KCNAB2: variants seen among roughly 807,000 people sequenced by gnomAD.
The protein encoded by KCNAB2 is potassium voltage-gated channel subfamily A regulatory beta subunit 2, also known as voltage-gated potassium channel subunit beta-2.
KCNAB2 carries 29 observed loss-of-function variants against 63.6 expected under a neutral mutation model. The observed-to-expected ratio is 0.46, with a 90% CI of 0.34 to 0.62. The LOEUF (loss-of-function observed/expected upper bound fraction) is 0.62, where lower values mean the gene tolerates loss of function less well. KCNAB2 is among the 20% of genes least tolerant of loss of function. The pLI, the probability that KCNAB2 is intolerant of heterozygous loss-of-function variation, is 0.01. For missense variants in KCNAB2, 359 were observed against 563.9 expected (o/e 0.64, Z 3.68); for synonymous variants, 222 against 224.2 (o/e 0.99, Z 0.09).
chr1:6,094,395 G>C lies in KCNAB2; in HGVS notation c.647-5G>C. On this transcript the variant is annotated splice_region_variant and splice_polypyrimidine_tract_variant and intron_variant, in intron 10 of 15. Coordinates refer to ENST00000378083, the MANE Select transcript of KCNAB2 (RefSeq NM_001199862.2). ...CACCTGCGGTTTCCCTTTCTCTCACGACAGAGACCGTCCGCGCCATGACCC... is the reference window on the plus strand; with the variant it reads ...CACCTGCGGTTTCCCTTTCTCTCACCACAGAGACCGTCCGCGCCATGACCC... The C allele has an allele frequency of 6.2e-7, 1 of 1,607,500 alleles. No homozygotes were observed. Among genetic ancestry groups the C allele is most frequent in the Non-Finnish European group, 8.5e-7 (1 of 1,177,626 alleles).
intron 1 of KCNAB2, among the ~76,000 whole-genome samples, chr1:6,009,989 G>A (rs1216986573): frequency 6.6e-6 from 1 of 151,782 alleles, no homozygotes; most frequent in African/African-American, 2.4e-5. Context: ...TCCTGCCTCG[G>A]CCTCTGGTGT....
intron 1 of KCNAB2, among the ~76,000 whole-genome samples, chr1:6,017,921 A>AATTTTTTTT (rs1333760165): frequency 7.4e-5 from 11 of 148,284 alleles, no homozygotes; most frequent in African/African-American, 2.6e-4. Flanking sequence ...AGCAAAAAAA[A>AATTTTTTTT]ATTTTTTTTT....
chr1:6,032,937 G>T (rs1659739450), upstream of KCNAB2, among the ~76,000 whole-genome samples: 1 of 152,250 alleles, frequency 6.6e-6, no homozygotes, highest in Admixed American at 6.5e-5. Context: ...TCTAGATTGA[G>T]AGAGATGAGA....
intron 4 of KCNAB2, among the ~76,000 whole-genome samples, chr1:6,077,936 C>T (rs560079740): frequency 1.9e-3 from 285 of 152,354 alleles, no homozygotes; most frequent in African/African-American, 5.4e-3. Flanking sequence ...CACCAATGCG[C>T]GGCTGAAAAC....
At chr1:6,012,833 A>T (rs921922328) in intron 1 of KCNAB2, among the ~76,000 whole-genome samples, 7 of 152,008 alleles carry the variant, frequency 4.6e-5, no homozygotes, top group African/African-American at 1.7e-4. Context: ...GGTGGTCGTG[A>T]GCTGTGTGTG....
chr1:6,073,899 T>C lies in KCNAB2; in HGVS notation c.300+129T>C, dbSNP rs1663441758. On this transcript the variant is annotated intron_variant, in intron 4 of 15. Transcript: ENST00000378083. This position sits in a 1 kb window ranked among gnomAD's most constrained non-coding sequence, Gnocchi z 5.7. ...GCGCAGCAGCCTCCCTCCCTCTTTC[T>C]GTTTTGTGAGGGCGCCCTGCCCCAG... is the stretch of plus-strand genomic sequence containing the variant. 3.0e-6 allele frequency: 3 copies of C among 985,562 alleles called. No individual in the cohort carries two copies. Among genetic ancestry groups the C allele is most frequent in the Non-Finnish European group, 4.8e-6 (3 of 630,402 alleles). The allele number at this position is 985,562 out of a possible 1,614,324, so 61.1% of individuals were successfully genotyped here.
At chr1:6,011,771 C>T (rs1658161757) in intron 1 of KCNAB2, among the ~76,000 whole-genome samples, 1 of 151,592 alleles carries the variant, frequency 6.6e-6, no homozygotes, top group Admixed American at 6.6e-5. Context: ...GGGATATCCG[C>T]GTGGATGGAG....
chr1:6,077,526 T>C (rs1001528415), intron 4 of KCNAB2, among the ~76,000 whole-genome samples: 5 of 152,238 alleles, frequency 3.3e-5, no homozygotes, highest in Admixed American at 6.5e-5. Context: ...GTGTCTGCAG[T>C]GCCGGACCCT....
At chr1:6,095,758 G>A in intron 13 of KCNAB2, 134 bp downstream of exon 13, 1 of 808,540 alleles carries the variant, frequency 1.2e-6, no homozygotes, top group East Asian at 2.5e-5. Flanking sequence ...GTCTGCTGGG[G>A]GCGGGCTCCT....
intron 1 of KCNAB2, chr1:6,027,381 TGAGCA>T (rs1281654895): frequency 6.6e-6 from 1 of 152,312 alleles, no homozygotes; most frequent in African/African-American, 2.4e-5. Context: ...AGCTACTGAG[TGAGCA>T]GCCTGCGGCA....
chr1:6,058,921 C>T (rs1662076218), intron 2 of KCNAB2, among the ~76,000 whole-genome samples: 1 of 152,124 alleles, frequency 6.6e-6, no homozygotes, highest in Non-Finnish European at 1.5e-5. Flanking sequence ...TGGCAGCGGG[C>T]ACCACATTGG....
chr1:6,044,597 G>A (rs1285904813), upstream of KCNAB2, among the ~76,000 whole-genome samples: 1 of 152,160 alleles, frequency 6.6e-6, no homozygotes, highest in Admixed American at 6.5e-5. Flanking sequence ...TTGGTGGGGG[G>A]CCTCGAATGC....
chr1:6,098,245 T>C (rs1665813169), intron 15 of KCNAB2: 2 of 1,317,814 alleles, frequency 1.5e-6, no homozygotes, highest in African/African-American at 1.5e-5. Flanking sequence ...TTCAGGAAGG[T>C]TCTAGGGCAC....
rs1661395797 is a variant in KCNAB2, at chr1:6,051,614, C to T, written c.78C>T (p.Val26=). Residue 26 remains valine (V), a synonymous_variant, in exon 2 of 16, where the codon GTC becomes GTT. Coordinates refer to ENST00000378083, the MANE Select transcript of KCNAB2 (RefSeq NM_001199862.2). Reference sequence around the variant, plus strand: ...ACTCTGAATGGGCCCTGCACCCCGTCCGCCAGACGGACACGCTGGAACTGC... The same window carrying T: ...ACTCTGAATGGGCCCTGCACCCCGTTCGCCAGACGGACACGCTGGAACTGC... The part of the protein sequence containing the change: ...RCHSEWALHP[V]RQTDTLELQR... 1 of 1,534,802 alleles carries T rather than the reference C, an allele frequency of 6.5e-7. No individual in the cohort carries two copies.
intron 5 of KCNAB2, among the ~76,000 whole-genome samples, chr1:6,084,035 C>T (rs556516361): frequency 2.0e-5 from 3 of 152,332 alleles, no homozygotes; most frequent in African/African-American, 7.2e-5. Flanking sequence ...AGTGAATTTT[C>T]TGTGTGTCTT....
chr1:6,083,692 G>A (rs747657159), intron 5 of KCNAB2, among the ~76,000 whole-genome samples: 3 of 152,250 alleles, frequency 2.0e-5, no homozygotes, highest in African/African-American at 7.2e-5. Flanking sequence ...TGGGCGCTGC[G>A]TGCCGGGGAT....
intron 1 of KCNAB2, among the ~76,000 whole-genome samples, chr1:6,004,852 C>T (rs1469699680): frequency 1.3e-5 from 2 of 150,628 alleles, no homozygotes; most frequent in Non-Finnish European, 3.0e-5. Context: ...GCCCCGTCTC[C>T]CTCCAGAGTC....
intron 1 of KCNAB2, among the ~76,000 whole-genome samples, chr1:6,050,148 C>T (rs1311622627): frequency 6.6e-6 from 1 of 152,232 alleles, no homozygotes; most frequent in African/African-American, 2.4e-5. Context: ...ATAGCCCTCC[C>T]AGCTCCTTCC....
intron 4 of KCNAB2, among the ~76,000 whole-genome samples, chr1:6,077,296 C>A (rs1209275682): frequency 6.6e-6 from 1 of 152,262 alleles, no homozygotes; most frequent in Non-Finnish European, 1.5e-5. Context: ...CTGCAGTTTT[C>A]TAGGGAAAGG....
Sources: gnomAD v4.1 joint callset for allele counts (sites outside exome capture counted in the v4.1 genomes callset) on GRCh38, gnomAD v4.1.1 for gene constraint, Gnocchi (gnomAD v3.1) non-coding constraint, MANE v1.5 for transcripts, NCBI Gene and HGNC (gene_info 2026-07-23, HGNC 2026-07-21) for gene names.